XKR6: variants seen among roughly 807,000 people sequenced by gnomAD.
XKR6 encodes XK related 6, also known as XK-related protein 6.
Under a neutral mutation model 56.7 loss-of-function variants are expected in XKR6, and 22 were observed. The observed-to-expected ratio is 0.39, with a 90% CI of 0.28 to 0.55. XKR6 has a LOEUF of 0.55. XKR6 is among the 20% of genes least tolerant of loss of function. The pLI is 0.66. For synonymous variants in XKR6, 524 were observed against 387.8 expected (o/e 1.35, Z -4.13); for missense variants, 852 against 889.0 (o/e 0.96, Z 0.53).
chr8:11,178,141 G>C (rs1267770492), intron 1 of XKR6, among the ~76,000 whole-genome samples: 3 of 152,118 alleles, frequency 2.0e-5, no homozygotes, highest in African/African-American at 7.2e-5. Flanking sequence ...TGGAGAAACA[G>C]CTTATCTTAA....
chr8:10,967,372 T>A (rs1341740531), intron 1 of XKR6, among the ~76,000 whole-genome samples: 1 of 152,144 alleles, frequency 6.6e-6, no homozygotes, highest in Non-Finnish European at 1.5e-5. Flanking sequence ...AAAGCCTCAG[T>A]GCCCTCTCTC....
intron 1 of XKR6, among the ~76,000 whole-genome samples, chr8:11,063,516 CAAA>C (rs35995429): frequency 1.2e-4 from 14 of 120,676 alleles, no homozygotes; most frequent in Non-Finnish European, 8.7e-5. Context: ...GGCCCTGTCT[CAAA>C]AAAAAAAAAA....
At chr8:11,192,148 T>A (rs985294187) in intron 1 of XKR6, among the ~76,000 whole-genome samples, 8 of 151,714 alleles carry the variant, frequency 5.3e-5, no homozygotes, top group Non-Finnish European at 1.0e-4. Flanking sequence ...CAAGACCCCA[T>A]CTCTACAAAA....
chr8:11,095,824 G>A (rs908247654), intron 1 of XKR6, among the ~76,000 whole-genome samples: 1 of 152,186 alleles, frequency 6.6e-6, no homozygotes, highest in Admixed American at 6.5e-5. Context: ...ATCTGGTTAA[G>A]ACTAGACCAC....
At chr8:10,954,647 AT>A (rs989208034) in intron 1 of XKR6, among the ~76,000 whole-genome samples, 2 of 152,104 alleles carry the variant, frequency 1.3e-5, no homozygotes, top group African/African-American at 2.4e-5. Flanking sequence ...AAGCACAGAA[AT>A]TTTTAATTTT....
chr8:11,099,837 G>C (rs376116986), intron 1 of XKR6, among the ~76,000 whole-genome samples: 23 of 152,284 alleles, frequency 1.5e-4, no homozygotes, highest in African/African-American at 5.3e-4. Flanking sequence ...GACCATGGCA[G>C]AGGTGCCACT....
At chr8:11,138,669 GT>G (rs1159365994) in intron 1 of XKR6, 1 of 152,114 alleles carries the variant, frequency 6.6e-6, no homozygotes, top group African/African-American at 2.4e-5. Context: ...TAAATAATCA[GT>G]TTTTTAAAAC....
intron 1 of XKR6, among the ~76,000 whole-genome samples, chr8:10,963,929 G>A (rs1802138566): frequency 6.6e-6 from 1 of 152,214 alleles, no homozygotes; most frequent in Non-Finnish European, 1.5e-5. Context: ...TCACAGCTGA[G>A]TGCCACTAGG....
chr8:11,123,836 A>T (rs751695777), intron 1 of XKR6: 21 of 456,144 alleles, frequency 4.6e-5, no homozygotes. Flanking sequence ...ACACCAAGGC[A>T]GTTCCAGTGT....
chr8:11,124,274 A>G (rs1359689279), intron 1 of XKR6: 1 of 343,912 alleles, frequency 2.9e-6, no homozygotes, highest in Non-Finnish European at 5.7e-6. Context: ...TAGGCAAAAC[A>G]CAAACCAGGA....
intron 1 of XKR6, among the ~76,000 whole-genome samples, chr8:11,093,548 T>C (rs753444518): frequency 6.6e-6 from 1 of 152,222 alleles, no homozygotes; most frequent in Non-Finnish European, 1.5e-5. Context: ...CTCTTAGTTA[T>C]AATAGCCAGA....
chr8:11,145,178 G>T (rs1354621947), intron 1 of XKR6, among the ~76,000 whole-genome samples: 1 of 152,070 alleles, frequency 6.6e-6, no homozygotes, highest in Admixed American at 6.5e-5. Flanking sequence ...GAGCATTTTG[G>T]ATTTCAGATT....
At chr8:11,135,095 C>A (rs34367737) in intron 1 of XKR6, among the ~76,000 whole-genome samples, 42,418 of 150,552 alleles carry the variant, frequency 0.28, 7,062 homozygotes, top group Middle Eastern at 0.39. Flanking sequence ...TGCAGTGGCA[C>A]GATCTTGGCT....
chr8:11,078,778 T>C (rs955604395), intron 1 of XKR6, among the ~76,000 whole-genome samples: 1 of 152,134 alleles, frequency 6.6e-6, no homozygotes, highest in Non-Finnish European at 1.5e-5. Flanking sequence ...GAGAGGACAG[T>C]GACGCCAACC....
rs74397654 is a variant in XKR6, at chr8:11,062,433, C to T, written c.765-137603G>A. On this transcript the variant is annotated intron_variant, in intron 1 of 2. Transcript: ENST00000416569. The stretch of plus-strand genomic sequence containing the variant: ...ATTTAGCCCCAACTCTCCTTATCTC[C>T]CTAGTAAGATCTTATAAATCAAATG... Among the ~76,000 whole-genome samples the T allele has an allele frequency of 6.3e-3, 960 of 152,230 alleles. 10 individuals are homozygous for T. The highest frequency in any genetic ancestry group is 0.022 in the African/African-American group (917 of 41,532).
chr8:11,058,362 G>C (rs543621126), intron 1 of XKR6, among the ~76,000 whole-genome samples: 54 of 152,292 alleles, frequency 3.5e-4, no homozygotes, highest in Non-Finnish European at 6.6e-4. Context: ...CTACTATAAA[G>C]ACACATGCAC....
intron 1 of XKR6, among the ~76,000 whole-genome samples, chr8:11,051,160 C>T (rs1799535223): frequency 6.6e-6 from 1 of 151,820 alleles, no homozygotes; most frequent in Non-Finnish European, 1.5e-5. Context: ...AGTGGATCAC[C>T]CCCCATCTGC....
At chr8:11,048,433 T>C (rs559286587) in intron 1 of XKR6, among the ~76,000 whole-genome samples, 1 of 152,238 alleles carries the variant, frequency 6.6e-6, no homozygotes, top group South Asian at 2.1e-4. Flanking sequence ...TTTGATGAAA[T>C]GGTTTCAGAC....
intron 1 of XKR6, among the ~76,000 whole-genome samples, chr8:11,187,314 A>T (rs1803324852): frequency 6.6e-6 from 1 of 152,218 alleles, no homozygotes; most frequent in Non-Finnish European, 1.5e-5. Context: ...AAGGTAAGAA[A>T]TGTCACTTAA....
Sources: allele counts gnomAD v4.1 joint callset (sites outside exome capture counted in the v4.1 genomes callset), GRCh38; gene constraint gnomAD v4.1.1; transcripts MANE v1.5; gene names NCBI Gene and HGNC (gene_info 2026-07-23, HGNC 2026-07-21).